Variants in C8orf34 observed in about 807,000 individuals in gnomAD.
C8orf34 encodes the protein uncharacterized protein C8orf34.
A neutral mutation model predicts 68.3 loss-of-function variants in C8orf34; 65 were observed. That is an observed-to-expected ratio of 0.95 (90% confidence interval 0.78 to 1.17). C8orf34 has a LOEUF of 1.17. Ranked by LOEUF, C8orf34 falls within the 50% of genes most tolerant of loss-of-function variation. The pLI, the probability that C8orf34 is intolerant of heterozygous loss-of-function variation, is 0.00. For synonymous variants in C8orf34, 244 were observed against 241.2 expected (o/e 1.01, Z -0.11); for missense variants, 664 against 655.4 (o/e 1.01, Z -0.14).
At chr8:68,752,252 C>G (rs1822729064) in intron 10 of C8orf34, among the ~76,000 whole-genome samples, 2 of 152,130 alleles carry the variant, frequency 1.3e-5, no homozygotes, top group South Asian at 4.1e-4. Flanking sequence ...GTGCTGATGT[C>G]TCATTAAATT....
chr8:68,700,443 T>A (rs1402934991), intron 8 of C8orf34, among the ~76,000 whole-genome samples: 2 of 152,092 alleles, frequency 1.3e-5, no homozygotes, highest in African/African-American at 4.8e-5. Flanking sequence ...GCTGAAGAAC[T>A]GGGACTTGGG....
upstream of C8orf34, among the ~76,000 whole-genome samples, chr8:68,330,395 G>T (rs1805515901): frequency 1.3e-5 from 2 of 152,052 alleles, no homozygotes; most frequent in South Asian, 4.1e-4. Flanking sequence ...TTTTCAGCTG[G>T]GTTCTCAGGC....
intron 6 of C8orf34, among the ~76,000 whole-genome samples, chr8:68,526,661 G>C: frequency 7.0e-6 from 1 of 143,486 alleles, no homozygotes. Context: ...AGTGCAAAGG[G>C]CACCCTTTAA....
chr8:68,624,929 G>C (rs1818495342), intron 7 of C8orf34, among the ~76,000 whole-genome samples: 1 of 146,292 alleles, frequency 6.8e-6, no homozygotes, highest in African/African-American at 2.6e-5. Context: ...TTTTTGTGTA[G>C]CTGGTATTTA....
chr8:68,358,704 T>C (rs1323922520), intron 1 of C8orf34, among the ~76,000 whole-genome samples: 1 of 144,628 alleles, frequency 6.9e-6, no homozygotes, highest in African/African-American at 2.8e-5. Context: ...GATTTATTCA[T>C]ATTTATTTAT....
At chr8:68,528,949 T>C (rs1271785719) in intron 6 of C8orf34, among the ~76,000 whole-genome samples, 1 of 152,212 alleles carries the variant, frequency 6.6e-6, no homozygotes, top group Non-Finnish European at 1.5e-5. Context: ...GAGTCACTCA[T>C]GCTCCGCCTA....
intron 11 of C8orf34, among the ~76,000 whole-genome samples, chr8:68,781,055 A>C (rs1407135365): frequency 1.3e-5 from 2 of 152,298 alleles, no homozygotes; most frequent in East Asian, 3.9e-4. Context: ...CCATTTTGAA[A>C]GATAGAAACT....
chr8:68,395,619 G>GGCAATA (rs1339476764), intron 1 of C8orf34, among the ~76,000 whole-genome samples: 1 of 152,048 alleles, frequency 6.6e-6, no homozygotes, highest in East Asian at 1.9e-4. Context: ...CATTAATATG[G>GGCAATA]GCAATAGAAA....
At chr8:68,440,020 C>A (rs1201858870) in intron 2 of C8orf34, among the ~76,000 whole-genome samples, 1 of 152,134 alleles carries the variant, frequency 6.6e-6, no homozygotes, top group African/African-American at 2.4e-5. Flanking sequence ...TACAGGATTA[C>A]TTTTCTTGTT....
At chr8:68,450,553 G>A (rs1188083187) in intron 3 of C8orf34, among the ~76,000 whole-genome samples, 1 of 152,146 alleles carries the variant, frequency 6.6e-6, no homozygotes, top group East Asian at 1.9e-4. Flanking sequence ...ATGGACTGCA[G>A]AATAGATATT....
At chr8:68,518,762 G>A (rs1183694709) in intron 5 of C8orf34, among the ~76,000 whole-genome samples, 1 of 151,940 alleles carries the variant, frequency 6.6e-6, no homozygotes, top group Non-Finnish European at 1.5e-5. Flanking sequence ...TGGGCATGGT[G>A]GTGTACACCT....
At chr8:68,445,006 A>T (rs1490110437) in intron 2 of C8orf34, among the ~76,000 whole-genome samples, 1 of 152,212 alleles carries the variant, frequency 6.6e-6, no homozygotes, top group Non-Finnish European at 1.5e-5. Context: ...TGAGGTGGAC[A>T]CCTAGAAATC....
At chr8:68,626,264 G>A (rs1294420954) in intron 7 of C8orf34, among the ~76,000 whole-genome samples, 1 of 152,070 alleles carries the variant, frequency 6.6e-6, no homozygotes, top group Non-Finnish European at 1.5e-5. Flanking sequence ...AGAAAGGAAT[G>A]GGAGAGTGGG....
chr8:68,494,664 G>A (rs573642209), intron 5 of C8orf34, among the ~76,000 whole-genome samples: 1 of 152,110 alleles, frequency 6.6e-6, no homozygotes, highest in Admixed American at 6.6e-5. Flanking sequence ...AGACCAGCTT[G>A]GCCAACATGG....
At chr8:68,750,488 A>G (rs1465174457) in intron 10 of C8orf34, among the ~76,000 whole-genome samples, 1 of 152,088 alleles carries the variant, frequency 6.6e-6, no homozygotes, top group Middle Eastern at 3.2e-3. Context: ...AATGGATTTG[A>G]GGTTTTCTTT....
chr8:68,648,208 T>C (rs915678445), intron 8 of C8orf34, among the ~76,000 whole-genome samples: 1 of 152,190 alleles, frequency 6.6e-6, no homozygotes, highest in Non-Finnish European at 1.5e-5. Flanking sequence ...ACAAGCTGCA[T>C]TTCTTGCCTA....
chr8:68,675,528 G>C (rs771786542), intron 8 of C8orf34, among the ~76,000 whole-genome samples: 1 of 151,480 alleles, frequency 6.6e-6, no homozygotes, highest in African/African-American at 2.4e-5. Flanking sequence ...TTAAAATAAT[G>C]GTTCTAAGTT....
At chr8:68,572,296 G>A (rs184884557) in intron 7 of C8orf34, among the ~76,000 whole-genome samples, 1 of 151,256 alleles carries the variant, frequency 6.6e-6, no homozygotes, top group East Asian at 2.0e-4. Context: ...GTCAAACTAC[G>A]TTTTTCAATA....
At chr8:68,603,150 G>GTTT (rs1015154350) in intron 7 of C8orf34, among the ~76,000 whole-genome samples, 1 of 151,848 alleles carries the variant, frequency 6.6e-6, no homozygotes, top group African/African-American at 2.4e-5. Flanking sequence ...GTTTGTTGTT[G>GTTT]TTGTTGTTGC....
Sources: gnomAD v4.1 joint callset for allele counts (sites outside exome capture counted in the v4.1 genomes callset) on GRCh38, gnomAD v4.1.1 for gene constraint, MANE v1.5 for transcripts, NCBI Gene and HGNC (gene_info 2026-07-23, HGNC 2026-07-21) for gene names.